Variants in PSMD12 observed in about 807,000 individuals in gnomAD.
PSMD12 encodes the protein 26S proteasome non-ATPase regulatory subunit 12.
A neutral mutation model predicts 62.9 loss-of-function variants in PSMD12; 8 were observed. The observed-to-expected ratio is 0.13, with a 90% CI of 0.07 to 0.23. The LOEUF is 0.23. PSMD12 is among the 10% of genes least tolerant of loss of function. The pLI is 1.00. For missense variants in PSMD12, 424 were observed against 550.2 expected (o/e 0.77, Z 2.29); for synonymous variants, 173 against 187.4 (o/e 0.92, Z 0.63).
At chr17:67,352,021 C>T (rs2042023251) in intron 3 of PSMD12, among the ~76,000 whole-genome samples, 2 of 150,398 alleles carry the variant, frequency 1.3e-5, no homozygotes, top group African/African-American at 4.9e-5. Context: ...TGCTTGAACC[C>T]AGTGAGCCAA....
intron 1 of PSMD12, among the ~76,000 whole-genome samples, chr17:67,358,932 ATATT>A (rs1242657683): frequency 2.0e-5 from 3 of 152,198 alleles, no homozygotes; most frequent in East Asian, 1.9e-4. Flanking sequence ...CCTAGGCTAT[ATATT>A]TAGAGATTGG....
rs547906544 is a variant in PSMD12, at chr17:67,362,385, C to T, written c.108+4027G>A. On this transcript the variant is annotated intron_variant, in intron 1 of 10. Transcript: ENST00000356126. ...GAGGCGGTAGAATGGTTAATTTATA[C>T]AGGCTCTGGCTGGGCGCGGTGGCTC... 2.0e-5 allele frequency among the ~76,000 whole-genome samples: 3 copies of T among 152,264 alleles called. No homozygotes were observed. The South Asian group carries it at 6.2e-4, about 32-fold the overall frequency.
chr17:67,364,812 C>G (rs973819509), intron 1 of PSMD12, among the ~76,000 whole-genome samples: 1 of 152,172 alleles, frequency 6.6e-6, no homozygotes, highest in African/African-American at 2.4e-5. Context: ...CGACAATACT[C>G]GGCCTTCATC....
chr17:67,354,263 T>G (rs887791118), intron 3 of PSMD12, among the ~76,000 whole-genome samples: 4 of 152,054 alleles, frequency 2.6e-5, no homozygotes, highest in African/African-American at 9.7e-5. Flanking sequence ...GTACAAAAAT[T>G]AACTGGGTGT....
rs1033248804 is a variant in PSMD12, at chr17:67,338,022, C to T, written c.*2821G>A. The T allele has an allele frequency of 6.6e-6, 1 of 152,024 alleles. No homozygotes were observed. Among genetic ancestry groups the T allele is most frequent in the African/African-American group, 2.4e-5 (1 of 41,374 alleles). The allele number at this position is 152,024 out of a possible 1,614,324, so 9.4% of individuals were successfully genotyped here. A position where few individuals can be genotyped will look rare whatever the true frequency, so the allele number is the denominator to read the frequency against. ...AGCTGAAAACAATTTAAAATATGTA[C>T]TTTTATCACATTTAACACTTACAAG... On this transcript the variant is annotated 3_prime_UTR_variant, in exon 11 of 11. Transcript: ENST00000356126.
intron 7 of PSMD12, among the ~76,000 whole-genome samples, chr17:67,346,735 C>T (rs979596577): frequency 2.6e-5 from 4 of 152,140 alleles, no homozygotes; most frequent in East Asian, 3.8e-4. Flanking sequence ...TCTTGACATT[C>T]ATTTTTGACA....
At chr17:67,344,843 A>C in intron 8 of PSMD12, 63 bp from the exon 9 acceptor site, 1 of 1,301,672 alleles carries the variant, frequency 7.7e-7, no homozygotes, top group Admixed American at 2.6e-5. Flanking sequence ...CTAATATAAT[A>C]GCAAAGTTCA....
chr17:67,354,015 C>A (rs113784523), intron 3 of PSMD12, among the ~76,000 whole-genome samples: 1 of 152,190 alleles, frequency 6.6e-6, no homozygotes, highest in African/African-American at 2.4e-5. Context: ...GACTTACATA[C>A]GTTACTAACC....
In PSMD12 at chr17:67,338,651, T is replaced by G. The variant is rs1407661619; in HGVS notation, c.*2192A>C. 6.6e-6 allele frequency: 1 copy of G among 152,180 alleles called. No homozygotes were observed. The highest frequency in any genetic ancestry group is 1.5e-5 in the Non-Finnish European group (1 of 68,066). The allele number at this position is 152,180 out of a possible 1,614,324, so 9.4% of individuals were successfully genotyped here. A position where few individuals can be genotyped will look rare whatever the true frequency, so the allele number is the denominator to read the frequency against. On this transcript the variant is annotated 3_prime_UTR_variant, in exon 11 of 11. Coordinates refer to ENST00000356126, the MANE Select transcript of PSMD12 (RefSeq NM_002816.5). ...GGTGGATCACCTGAGGTCAGGAGTT[T>G]GAGACCAGCCCGGCCAACATGATGA... is the stretch of plus-strand genomic sequence containing the variant.
chr17:67,342,542 A>G, intron 9 of PSMD12: 1 of 218,986 alleles, frequency 4.6e-6, no homozygotes. Flanking sequence ...CTAGTGGTTA[A>G]AAATTATAAT....
intron 3 of PSMD12, among the ~76,000 whole-genome samples, chr17:67,351,508 A>G (rs942531160): frequency 4.6e-5 from 7 of 151,812 alleles, no homozygotes; most frequent in African/African-American, 1.7e-4. Context: ...AGTGAATAGA[A>G]TATCTTAGAA....
In PSMD12 at chr17:67,357,598, T is replaced by G; in HGVS notation, c.109-20A>C. 6.2e-7 allele frequency: 1 copy of G among 1,604,308 alleles called. No homozygotes were observed. Among genetic ancestry groups the G allele is most frequent in the Non-Finnish European group, 8.5e-7 (1 of 1,172,052 alleles). ...TCCTTCCTAAAACAAAAGATGAAAA[T>G]GAACAATAAAAAAACACACAAAATG... On this transcript the variant is annotated intron_variant, in intron 1 of 10. Coordinates refer to ENST00000356126, the MANE Select transcript of PSMD12 (RefSeq NM_002816.5).
intron 7 of PSMD12, among the ~76,000 whole-genome samples, chr17:67,346,689 T>C (rs576183269): frequency 6.6e-6 from 1 of 152,348 alleles, no homozygotes; most frequent in East Asian, 1.9e-4. Flanking sequence ...TAATAAATCA[T>C]TGCTAATCTG....
intron 3 of PSMD12, among the ~76,000 whole-genome samples, chr17:67,356,786 G>A (rs1255675078): frequency 2.0e-5 from 3 of 151,900 alleles, no homozygotes; most frequent in Non-Finnish European, 4.4e-5. Context: ...CAAGGCAGAG[G>A]GATCACTTGA....
chr17:67,361,933 A>C (rs186378900), intron 1 of PSMD12, among the ~76,000 whole-genome samples: 2 of 122,412 alleles, frequency 1.6e-5, no homozygotes, highest in African/African-American at 3.1e-5. Context: ...GGAGGGAGGG[A>C]GGGAGAGAGA....
chr17:67,358,393 C>T (rs2042096737), intron 1 of PSMD12, among the ~76,000 whole-genome samples: 1 of 151,316 alleles, frequency 6.6e-6, no homozygotes, highest in African/African-American at 2.4e-5. Context: ...CATGGCGAAA[C>T]CTGTCTCTAC....
rs745618383 is a variant in PSMD12, at chr17:67,347,451, C to T, written c.545G>A (p.Arg182Gln). 16 of 1,613,656 alleles carry T rather than the reference C, an allele frequency of 9.9e-6. No individual in the cohort carries two copies. Among genetic ancestry groups the T allele is most frequent in the African/African-American group, 2.7e-5 (2 of 74,936 alleles). The change falls in exon 6 of 11, where the codon CGA (arginine) becomes CAA (glutamine). Residue 182 changes from arginine to glutamine, a missense_variant. By Grantham distance (43) the Arg-to-Gln change is conservative. Coordinates refer to ENST00000356126, the MANE Select transcript of PSMD12 (RefSeq NM_002816.5). ...ETYGSMEKKE[R>Q]VEFILEQMRL... Reference sequence around the variant, plus strand: ...CATTTGCTCCAAAATAAATTCCACTCGCTCTTTCTTTTCCATTGACCCGTA... The same window carrying T: ...CATTTGCTCCAAAATAAATTCCACTTGCTCTTTCTTTTCCATTGACCCGTA...
Position 67,357,507 on chromosome 17 carries a change from T to G in PSMD12, c.168+12A>C. ...TTAATGGTAACTGAGCTTTCCCCTG[T>G]AAACTACTCACAGTACGAGTCTGCT... On this transcript the variant is annotated intron_variant, in intron 2 of 10. Coordinates refer to ENST00000356126, the MANE Select transcript of PSMD12 (RefSeq NM_002816.5). The G allele has an allele frequency of 6.2e-7, 1 of 1,613,496 alleles. No individual in the cohort carries two copies. Among genetic ancestry groups the G allele is most frequent in the Non-Finnish European group, 8.5e-7 (1 of 1,179,444 alleles).
At chr17:67,352,918 T>C (rs1313894124) in intron 3 of PSMD12, among the ~76,000 whole-genome samples, 1 of 152,220 alleles carries the variant, frequency 6.6e-6, no homozygotes, top group Non-Finnish European at 1.5e-5. Context: ...AGAGTGGTGA[T>C]GCTGGCCATT....
Sources: gnomAD v4.1 joint callset for allele counts (sites outside exome capture counted in the v4.1 genomes callset) on GRCh38, gnomAD v4.1.1 for gene constraint, MANE v1.5 for transcripts, NCBI Gene and HGNC (gene_info 2026-07-23, HGNC 2026-07-21) for gene names.